EFTUD2: variants seen among roughly 807,000 people sequenced by gnomAD.
The protein encoded by EFTUD2 is 116 kDa U5 small nuclear ribonucleoprotein component.
In EFTUD2, 9 loss-of-function variants were observed where a neutral mutation model predicts 114.3. The ratio of observed to expected loss-of-function variants is 0.08; its 90% CI spans 0.05 to 0.14. The LOEUF is 0.14. EFTUD2 is among the 10% of genes least tolerant of loss of function. EFTUD2 has a pLI of 1.00. For synonymous variants in EFTUD2, 449 were observed against 462.3 expected (o/e 0.97, Z 0.37); for missense variants, 765 against 1,241.2 (o/e 0.62, Z 5.76).
At chr17:44,867,473 G>A (rs1010581046) in intron 13 of EFTUD2, among the ~76,000 whole-genome samples, 2 of 151,620 alleles carry the variant, frequency 1.3e-5, no homozygotes, top group African/African-American at 4.8e-5. Flanking sequence ...CTAATTTTTT[G>A]TATTTTGGTG....
At chr17:44,884,034 AGGTG>A (rs1174372529) in intron 4 of EFTUD2, 2 of 320,138 alleles carry the variant, frequency 6.2e-6, no homozygotes, top group Admixed American at 3.9e-5. Flanking sequence ...TGGGAGGCCG[AGGTG>A]GGTGGATTAC....
intron 15 of EFTUD2, 128 bp downstream of exon 15, chr17:44,863,527 T>G (rs2050693751): frequency 1.5e-6 from 2 of 1,369,064 alleles, no homozygotes; most frequent in South Asian, 2.8e-5. Context: ...CATTCAGGCC[T>G]GACTGTGCTC....
intron 10 of EFTUD2, among the ~76,000 whole-genome samples, chr17:44,875,174 G>A (rs939599922): frequency 3.3e-5 from 5 of 151,670 alleles, no homozygotes; most frequent in Non-Finnish European, 7.4e-5. Context: ...ACCAGCCTGG[G>A]CAACATAGCA....
chr17:44,860,407 C>G (rs1315781270), intron 17 of EFTUD2, 25 bp downstream of exon 17: 5 of 1,543,650 alleles, frequency 3.2e-6, no homozygotes, highest in Non-Finnish European at 4.5e-6. Context: ...TAAGCCAACC[C>G]AGTTGGTCTC....
rs141916105 is a variant in EFTUD2 at position 44,885,316 on chromosome 17, A to G, written c.290T>C (p.Val97Ala). Residue 97 changes from valine to alanine, a missense_variant, in exon 4 of 28, where the codon GTG becomes GCG. Physicochemically the swap from Val to Ala is moderately conservative, Grantham distance 64. Around this residue, in one of 6 missense-constraint regions of EFTUD2, gnomAD observed 121 missense variants for 133.7 expected, o/e 0.90. Coordinates refer to ENST00000426333, the MANE Select transcript of EFTUD2 (RefSeq NM_004247.4). ...QPLTEPIIKPVKTKKFTLMEQ... is the reference protein window; with the variant it reads ...QPLTEPIIKPAKTKKFTLMEQ... ...CATCAGAGTGAATTTCTTGGTTTTC[A>G]CTGGCTTAATAATGGGTTCTAGAAG... The G allele has an allele frequency of 3.3e-5, 54 of 1,613,742 alleles. No homozygotes were observed. Among genetic ancestry groups the G allele is most frequent in the Non-Finnish European group, 4.3e-5 (51 of 1,179,796 alleles).
At chr17:44,895,461 A>G (rs894139623) in intron 1 of EFTUD2, among the ~76,000 whole-genome samples, 1 of 145,918 alleles carries the variant, frequency 6.9e-6, no homozygotes, top group Non-Finnish European at 1.5e-5. Flanking sequence ...GCACCACTGC[A>G]CTCCAGCCTG....
Position 44,894,543 on chromosome 17 carries a change from A to T in EFTUD2, c.-4-18T>A. On this transcript the variant is annotated intron_variant, in intron 1 of 27. Transcript: ENST00000426333. Reference sequence around the variant, plus strand: ...CCATGATGCTAAAATTCAAGGAGAGAAGAGTTAGATTCTGACAAGGTAATC... The same window carrying T: ...CCATGATGCTAAAATTCAAGGAGAGTAGAGTTAGATTCTGACAAGGTAATC... 1 of 1,588,296 alleles carries T rather than the reference A, an allele frequency of 6.3e-7. No individual in the cohort carries two copies. Among genetic ancestry groups the T allele is most frequent in the Middle Eastern group, 1.7e-4 (1 of 6,012 alleles).
At chr17:44,898,281 G>T (rs1471172031) in intron 1 of EFTUD2, among the ~76,000 whole-genome samples, 7 of 152,098 alleles carry the variant, frequency 4.6e-5, no homozygotes, top group Non-Finnish European at 1.0e-4. Flanking sequence ...ACAACGGCAC[G>T]ATCTCAGTTC....
chr17:44,859,336 C>G, intron 18 of EFTUD2, 155 bp from the exon 19 acceptor site: 1 of 653,732 alleles, frequency 1.5e-6, no homozygotes, highest in South Asian at 1.7e-5. Flanking sequence ...CAGTGAGGAG[C>G]ATCTGCCTAT....
chr17:44,883,673 A>G lies in EFTUD2; in HGVS notation c.402T>C (p.Leu134=), dbSNP rs1029813995. Residue 134 remains leucine, a synonymous_variant, in exon 5 of 28, where the codon CTT becomes CTC. Transcript: ENST00000426333. ...DNSELIRNVT[L]CGHLHHGKTC... is the part of the protein sequence containing the mutation. Reference sequence around the variant, plus strand: ...CCTTGCCATGGTGGAGATGTCCACAAAGGGTCACATTTCTGATGAGCTCTG... The same window carrying G: ...CCTTGCCATGGTGGAGATGTCCACAGAGGGTCACATTTCTGATGAGCTCTG... The G allele has an allele frequency of 6.2e-7, 1 of 1,614,090 alleles. No homozygotes were observed. The highest frequency in any genetic ancestry group is 8.5e-7 in the Non-Finnish European group (1 of 1,180,044).
chr17:44,859,923 A>G lies in EFTUD2; in HGVS notation c.1842T>C (p.Tyr614=). 6.2e-7 allele frequency: 1 copy of G among 1,614,170 alleles called. No individual in the cohort carries two copies. The highest frequency in any genetic ancestry group is 8.5e-7 in the Non-Finnish European group (1 of 1,180,038). The change falls in exon 18 of 28, where the codon TAT becomes TAC. Residue 614 remains tyrosine (Y), a synonymous_variant. Transcript: ENST00000426333. Reference sequence around the variant, plus strand: ...GGCATACCTTGGTGGTGAGGGATGGATAGCTCTTGTTGACCTTGCGCAGGC... The same window carrying G: ...GGCATACCTTGGTGGTGAGGGATGGGTAGCTCTTGTTGACCTTGCGCAGGC... ...LDGLRKVNKS[Y]PSLTTKVEES...
intron 1 of EFTUD2, 30 bp from the exon 2 acceptor site, chr17:44,894,555 C>A: frequency 1.3e-6 from 2 of 1,564,062 alleles, no homozygotes; most frequent in Non-Finnish European, 1.8e-6. Context: ...GAGTTAGATT[C>A]TGACAAGGTA....
Position 44,850,940 on chromosome 17 carries a change from C to T in EFTUD2, c.*334G>A, listed in dbSNP as rs965144692. 1.5e-5 allele frequency: 5 copies of T among 327,182 alleles called. No homozygotes were observed. Among genetic ancestry groups the T allele is most frequent in the Non-Finnish European group, 2.9e-5 (5 of 172,222 alleles). 20.3% of individuals were successfully genotyped at this position (327,182 alleles called of 1,614,324 possible). A position where few individuals can be genotyped will look rare whatever the true frequency, so the allele number is the denominator to read the frequency against. On this transcript the variant is annotated 3_prime_UTR_variant, in exon 28 of 28. Coordinates refer to ENST00000426333, the MANE Select transcript of EFTUD2 (RefSeq NM_004247.4). ...TCAGAATGTTCTGTTCACTTGCAAA[C>T]CATGGCTAAGGTCAAACTTGTAGAA...
intron 26 of EFTUD2, among the ~76,000 whole-genome samples, 196 bp downstream of exon 26, chr17:44,852,213 G>A (rs562073247): frequency 6.6e-6 from 1 of 152,010 alleles, no homozygotes; most frequent in Non-Finnish European, 1.5e-5. Context: ...CACCATAGCC[G>A]GCCCTATTAT....
At chr17:44,885,755 C>T (rs1341994773) in intron 3 of EFTUD2, among the ~76,000 whole-genome samples, 1 of 152,116 alleles carries the variant, frequency 6.6e-6, no homozygotes, top group Non-Finnish European at 1.5e-5. Flanking sequence ...CCTCAGTCTC[C>T]CGAGTTGCCA....
chr17:44,886,149 G>A (rs1271469876), intron 3 of EFTUD2, among the ~76,000 whole-genome samples: 1 of 152,098 alleles, frequency 6.6e-6, no homozygotes, highest in East Asian at 1.9e-4. Flanking sequence ...AAGCAGAATT[G>A]CTTGAATCAG....
intron 6 of EFTUD2, among the ~76,000 whole-genome samples, chr17:44,882,549 CTT>C (rs1281242517): frequency 1.3e-5 from 2 of 152,244 alleles, no homozygotes; most frequent in African/African-American, 4.8e-5. Context: ...AGCCACCACT[CTT>C]TTTGAGTTGG....
Position 44,872,513 on chromosome 17 carries a change from G to A in EFTUD2, c.927C>T (p.Phe309=), listed in dbSNP as rs756409486. 2 of 1,613,354 alleles carry A rather than the reference G, an allele frequency of 1.2e-6. No homozygotes were observed. The highest frequency in any genetic ancestry group is 1.7e-6 in the Non-Finnish European group (2 of 1,179,578). Residue 309 remains phenylalanine (F), a synonymous_variant, in exon 11 of 28, where the codon TTC becomes TTT. Transcript: ENST00000426333. ...ILSPLLGNVC[F]SSSQYSICFT... ...AGCAGATGCTGTACTGGGAGCTGGAGAAGCAGACGTTACCCAGGAGTGGGG... is the reference window on the plus strand; with the variant it reads ...AGCAGATGCTGTACTGGGAGCTGGAAAAGCAGACGTTACCCAGGAGTGGGG...
At chr17:44,859,608 G>C in intron 18 of EFTUD2, 1 of 529,314 alleles carries the variant, frequency 1.9e-6, no homozygotes, top group Non-Finnish European at 3.4e-6. Flanking sequence ...ATGTATTTTT[G>C]TCTAGATAAA....
Sources: gnomAD v4.1 joint callset for allele counts (sites outside exome capture counted in the v4.1 genomes callset) on GRCh38, gnomAD v4.1.1 for gene constraint, gnomAD v4.1.1 regional missense constraint, MANE v1.5 for transcripts, NCBI Gene and HGNC (gene_info 2026-07-23, HGNC 2026-07-21) for gene names.